TGFBR1: variants seen among roughly 807,000 people sequenced by gnomAD.
The protein encoded by TGFBR1 is TGF-beta receptor type-1.
Under a neutral mutation model 55.1 loss-of-function variants are expected in TGFBR1, and 20 were observed. That is an observed-to-expected ratio of 0.36 (90% CI 0.26 to 0.53). The LOEUF (loss-of-function observed/expected upper bound fraction) is 0.53, where lower values mean the gene tolerates loss of function less well. Ranked by LOEUF, TGFBR1 falls within the 20% of genes least tolerant of loss-of-function variation. TGFBR1 has a pLI of 0.91. For synonymous variants in TGFBR1, 220 were observed against 214.8 expected (o/e 1.02, Z -0.21); for missense variants, 385 against 617.6 (o/e 0.62, Z 3.99).
In TGFBR1 at chr9:99,105,123, G is replaced by A. The variant is rs1369246422; in HGVS notation, c.-83G>A. ...GAGCGAGGCCGCCGCGGCGGCTAGG[G>A]AGGTGGGGCGAGGCGAGGTTTGCTG... On this transcript the variant is annotated 5_prime_UTR_variant, in exon 1 of 9. Coordinates refer to ENST00000374994, the MANE Select transcript of TGFBR1 (RefSeq NM_004612.4). The A allele has an allele frequency of 2.9e-6, 3 of 1,021,254 alleles. No individual in the cohort carries two copies. Among genetic ancestry groups the A allele is most frequent in the South Asian group, 4.5e-5 (1 of 22,018 alleles). The allele number at this position is 1,021,254 out of a possible 1,614,324, so 63.3% of individuals were successfully genotyped here. A position where few individuals can be genotyped will look rare whatever the true frequency, so the allele number is the denominator to read the frequency against.
upstream of TGFBR1, among the ~76,000 whole-genome samples, chr9:99,104,899 G>A (rs1224181979): frequency 6.6e-6 from 1 of 151,888 alleles, no homozygotes; most frequent in Non-Finnish European, 1.5e-5. Flanking sequence ...CCGGGGCTGG[G>A]GTCTGGCGGC....
chr9:99,115,460 G>A (rs977912619), intron 1 of TGFBR1, among the ~76,000 whole-genome samples: 19 of 152,222 alleles, frequency 1.2e-4, no homozygotes, highest in East Asian at 1.2e-3. Context: ...AGGCAAAAAC[G>A]AATGGCTTTT....
chr9:99,105,323 C>A, intron 1 of TGFBR1, 21 bp downstream of exon 1: 1 of 980,712 alleles, frequency 1.0e-6, no homozygotes, highest in Non-Finnish European at 1.2e-6. Context: ...GCGCGGCGGG[C>A]GGGCGACTGC....
At chr9:99,113,071 C>T (rs1435190261) in intron 1 of TGFBR1, among the ~76,000 whole-genome samples, 4 of 152,078 alleles carry the variant, frequency 2.6e-5, no homozygotes, top group Non-Finnish European at 5.9e-5. Flanking sequence ...TGGTTCTTTC[C>T]TGTTTTGCAG....
At chr9:99,104,450 T>C (rs151163899), upstream of TGFBR1, among the ~76,000 whole-genome samples, 2 of 152,126 alleles carry the variant, frequency 1.3e-5, no homozygotes, top group African/African-American at 4.8e-5. Flanking sequence ...ATCTGAGGAC[T>C]TTCTGGGTTT....
chr9:99,117,083 A>G (rs1256193334), intron 1 of TGFBR1, among the ~76,000 whole-genome samples: 1 of 152,076 alleles, frequency 6.6e-6, no homozygotes, highest in Non-Finnish European at 1.5e-5. Flanking sequence ...TTTGTTTGAC[A>G]AGGGAGATGA....
At chr9:99,123,464 C>T (rs1286280791) in intron 1 of TGFBR1, among the ~76,000 whole-genome samples, 1 of 151,962 alleles carries the variant, frequency 6.6e-6, no homozygotes, top group Admixed American at 6.6e-5. Context: ...GGAGTCTAAA[C>T]CAAATCAGGT....
intron 1 of TGFBR1, among the ~76,000 whole-genome samples, chr9:99,118,270 G>A (rs959722960): frequency 1.3e-5 from 2 of 152,068 alleles, no homozygotes; most frequent in East Asian, 3.8e-4. Context: ...GTTGTCCTCT[G>A]CAAGTAATGA....
At chr9:99,129,812 A>G (rs1034911883) in intron 2 of TGFBR1, among the ~76,000 whole-genome samples, 2 of 152,076 alleles carry the variant, frequency 1.3e-5, no homozygotes, top group African/African-American at 4.8e-5. Context: ...AGGCACAACA[A>G]TCTTTGAACC....
In TGFBR1 at chr9:99,152,490, T is replaced by G. The variant is rs1375929082; in HGVS notation, c.*3185T>G. 4.3e-6 allele frequency: 1 copy of G among 230,556 alleles called. No homozygotes were observed. The highest frequency in any genetic ancestry group is 2.2e-5 in the African/African-American group (1 of 45,174). The allele number at this position is 230,556 out of a possible 1,614,324, so 14.3% of individuals were successfully genotyped here. A position where few individuals can be genotyped will look rare whatever the true frequency, so the allele number is the denominator to read the frequency against. On this transcript the variant is annotated 3_prime_UTR_variant, in exon 9 of 9. Transcript: ENST00000374994. ...AAGAATCCCAGATTTCAGGTTTTAT[T>G]ACAAAATGTAAGTGGTCACTTGGCG...
chr9:99,131,892 CG>C (rs1827237284), intron 2 of TGFBR1, among the ~76,000 whole-genome samples: 1 of 151,330 alleles, frequency 6.6e-6, no homozygotes. Context: ...CGCTTGAACC[CG>C]GGAGGCGGAG....
chr9:99,134,830 A>ACATATATATATATATG (rs1197720573), intron 3 of TGFBR1, among the ~76,000 whole-genome samples: 1 of 112,508 alleles, frequency 8.9e-6, no homozygotes, highest in African/African-American at 3.2e-5. Flanking sequence ...ATATATATAT[A>ACATATATATATATATG]TATATATATA....
At chr9:99,140,455 CA>C (rs60083340) in intron 4 of TGFBR1, among the ~76,000 whole-genome samples, 138 of 143,836 alleles carry the variant, frequency 9.6e-4, no homozygotes, top group African/African-American at 3.2e-3. Flanking sequence ...GACTCTGTCT[CA>C]AAAAAAAAAC....
At chr9:99,138,625 G>A (rs1009400256) in intron 4 of TGFBR1, among the ~76,000 whole-genome samples, 1 of 152,094 alleles carries the variant, frequency 6.6e-6, no homozygotes, top group South Asian at 2.1e-4. Flanking sequence ...GTAACTGTAC[G>A]GACACTTTTC....
At chr9:99,105,387 T>G in intron 1 of TGFBR1, 85 bp downstream of exon 1, 1 of 948,548 alleles carries the variant, frequency 1.1e-6, no homozygotes, top group Non-Finnish European at 1.2e-6. Context: ...TTCTCAAACA[T>G]GGCGCGGGGC....
intron 1 of TGFBR1, among the ~76,000 whole-genome samples, chr9:99,114,381 T>C (rs1826672168): frequency 6.6e-6 from 1 of 152,216 alleles, no homozygotes; most frequent in African/African-American, 2.4e-5. Flanking sequence ...ATAGATCTCA[T>C]TGCCTATCGA....
intron 4 of TGFBR1, among the ~76,000 whole-genome samples, chr9:99,142,167 CCTT>C (rs1297849323): frequency 6.6e-6 from 1 of 152,038 alleles, no homozygotes; most frequent in Non-Finnish European, 1.5e-5. Flanking sequence ...TTTTTTTTAA[CCTT>C]CTCTCCTTCC....
intron 2 of TGFBR1, among the ~76,000 whole-genome samples, chr9:99,129,909 A>G (rs934226294): frequency 1.3e-5 from 2 of 152,064 alleles, no homozygotes; most frequent in Non-Finnish European, 2.9e-5. Context: ...AAAAAAAAAG[A>G]TAATAAATAA....
intron 1 of TGFBR1, among the ~76,000 whole-genome samples, chr9:99,110,676 C>T (rs968293451): frequency 1.3e-5 from 2 of 152,186 alleles, no homozygotes; most frequent in Admixed American, 1.3e-4. Context: ...AGTAGTTCAG[C>T]CACTGAGACT....
Sources: allele counts gnomAD v4.1 joint callset (sites outside exome capture counted in the v4.1 genomes callset), GRCh38; gene constraint gnomAD v4.1.1; transcripts MANE v1.5; gene names NCBI Gene and HGNC (gene_info 2026-07-23, HGNC 2026-07-21).